The following GFRA3 variants were observed in gnomAD, a reference collection of about 807,000 sequenced individuals.
GFRA3 encodes GDNF family receptor alpha-3.
Under a neutral mutation model 40.0 loss-of-function variants are expected in GFRA3, and 24 were observed. The observed-to-expected ratio is 0.60, with a 90% CI of 0.43 to 0.84. GFRA3 has a LOEUF of 0.84. GFRA3 is among the 40% of genes least tolerant of loss of function. The pLI is 0.00. For synonymous variants in GFRA3, 203 were observed against 213.5 expected (o/e 0.95, Z 0.43); for missense variants, 405 against 530.6 (o/e 0.76, Z 2.33).
At chr5:138,254,021 C>T (rs762329638) in intron 5 of GFRA3, 36 bp downstream of exon 5, 27 of 1,556,864 alleles carry the variant, frequency 1.7e-5, no homozygotes, top group Non-Finnish European at 2.3e-5. Flanking sequence ...CAGGCCTAGC[C>T]AACATAGGGT....
chr5:138,259,738 C>T, intron 2 of GFRA3, 89 bp from the exon 3 acceptor site: 1 of 768,004 alleles, frequency 1.3e-6, no homozygotes, highest in Non-Finnish European at 2.4e-6. Context: ...ACCTCAAAGG[C>T]CTGTGGAGAA....
intron 3 of GFRA3, 47 bp downstream of exon 3, chr5:138,259,510 G>C (rs1755681548): frequency 2.3e-6 from 2 of 856,194 alleles, no homozygotes; most frequent in Admixed American, 1.7e-5. Flanking sequence ...CCTTCCTCCA[G>C]GGTCCAGCCC....
At chr5:138,274,253 C>G (rs1473162250) in intron 1 of GFRA3, 81 bp downstream of exon 1, 1 of 1,303,850 alleles carries the variant, frequency 7.7e-7, no homozygotes, top group Non-Finnish European at 9.8e-7. Flanking sequence ...GCGCCCTCTC[C>G]GGACAGGTGC....
At chr5:138,256,073 C>CA (rs1324787351) in intron 4 of GFRA3, among the ~76,000 whole-genome samples, 4 of 150,416 alleles carry the variant, frequency 2.7e-5, no homozygotes, top group East Asian at 2.0e-4. Context: ...ACTGAAAATA[C>CA]AAAAAAAATT....
rs1468208782 is a variant in GFRA3, at chr5:138,271,905, T to TGTGTGTGTG, written c.91+2428_91+2429insCACACACAC. Among the ~76,000 whole-genome samples, 470 of 96,844 alleles carry TGTGTGTGTG rather than the reference T, an allele frequency of 4.9e-3. 3 individuals carry two copies. The highest frequency in any genetic ancestry group is 0.015 in the Admixed American group (131 of 8,604). The allele number at this position is 96,844 out of a possible 152,430, so 63.5% of individuals were successfully genotyped here. On this transcript the variant is annotated intron_variant, in intron 1 of 7. Transcript: ENST00000274721. ...ATTTTCTTTTCTGTTTTTTTTTTTT[T>TGTGTGTGTG]TTTTTTTTTGTGTGTGTGTGTGTGT... is the stretch of plus-strand genomic sequence containing the variant.
chr5:138,272,126 C>T (rs1186197052), intron 1 of GFRA3, among the ~76,000 whole-genome samples: 1 of 151,212 alleles, frequency 6.6e-6, no homozygotes, highest in Non-Finnish European at 1.5e-5. Flanking sequence ...CTGCCTCAGC[C>T]TCCCGGGTAG....
At chr5:138,261,075 A>T (rs1755703400) in intron 2 of GFRA3, among the ~76,000 whole-genome samples, 1 of 152,176 alleles carries the variant, frequency 6.6e-6, no homozygotes, top group South Asian at 2.1e-4. Context: ...CGCTACAGTA[A>T]TAAAATAATA....
At position 138,259,579 on chromosome 5, in the gene GFRA3, G is replaced by T; in HGVS notation, c.450C>A (p.Ser150Arg). The change falls in exon 3 of 8, where the codon AGC becomes AGA. Residue 150 changes from serine (S) to arginine (R), a missense_variant. Physicochemically the swap from Ser to Arg is moderately radical, Grantham distance 110 (BLOSUM62 -1). Coordinates refer to ENST00000274721, the MANE Select transcript of GFRA3 (RefSeq NM_001496.4). ...CACCTGGTTTGAGCATGTTCAGTTT[G>T]CTGAGATTCATTTTCCAGGGTTTGC... ...VTSKPWKMNL[S>R]KLNMLKPDSD... 2 of 1,546,484 alleles carry T rather than the reference G, an allele frequency of 1.3e-6. No individual in the cohort carries two copies. The highest frequency in any genetic ancestry group is 1.8e-6 in the Non-Finnish European group (2 of 1,118,212).
intron 7 of GFRA3, 40 bp downstream of exon 7, chr5:138,253,247 C>T (rs1422814555): frequency 7.4e-7 from 1 of 1,354,884 alleles, no homozygotes; most frequent in Non-Finnish European, 1.0e-6. Context: ...CCCCAGCCGG[C>T]CCAGTAAAGG....
chr5:138,253,096 T>C, intron 7 of GFRA3, 39 bp from the exon 8 acceptor site: 1 of 1,193,606 alleles, frequency 8.4e-7, no homozygotes. Context: ...CAGGGGATTT[T>C]CTTTAGCCCT....
chr5:138,252,796 G>A lies in GFRA3; in HGVS notation c.*172C>T. The A allele has an allele frequency of 1.9e-6, 1 of 519,882 alleles. No individual in the cohort carries two copies. The highest frequency in any genetic ancestry group is 3.2e-5 in the Admixed American group (1 of 30,824). The allele number at this position is 519,882 out of a possible 1,614,324, so 32.2% of individuals were successfully genotyped here. On this transcript the variant is annotated 3_prime_UTR_variant, in exon 8 of 8. Coordinates refer to ENST00000274721, the MANE Select transcript of GFRA3 (RefSeq NM_001496.4). ...CATGAATCAGAAGTGGAGATGGGGTGGAGGGAATGAGGACTGGACCAGTAA... is the reference window on the plus strand; with the variant it reads ...CATGAATCAGAAGTGGAGATGGGGTAGAGGGAATGAGGACTGGACCAGTAA...
At chr5:138,265,067 C>T (rs1382764170) in intron 1 of GFRA3, among the ~76,000 whole-genome samples, 4 of 152,016 alleles carry the variant, frequency 2.6e-5, no homozygotes, top group African/African-American at 7.3e-5. Context: ...GTAACCTGAC[C>T]CTGTCTCTTA....
chr5:138,262,812 T>C (rs1241364840), intron 2 of GFRA3, among the ~76,000 whole-genome samples: 1 of 152,106 alleles, frequency 6.6e-6, no homozygotes, highest in Non-Finnish European at 1.5e-5. Flanking sequence ...TGTTCCGTTA[T>C]TATATGCTGA....
In GFRA3 at chr5:138,253,394, G is replaced by A; in HGVS notation, c.1025-19C>T. The A allele has an allele frequency of 6.7e-7, 1 of 1,490,610 alleles. No homozygotes were observed. Among genetic ancestry groups the A allele is most frequent in the Non-Finnish European group, 9.3e-7 (1 of 1,079,508 alleles). The allele number at this position is 1,490,610 out of a possible 1,614,324, so 92.3% of individuals were successfully genotyped here. A position where few individuals can be genotyped will look rare whatever the true frequency, so the allele number is the denominator to read the frequency against. ...GCCTCCGCTGAAGAGAGGAGAGAAG[G>A]CTCATTGGAAGGGTATGGGGGCAGG... On this transcript the variant is annotated intron_variant, in intron 6 of 7. Transcript: ENST00000274721.
intron 1 of GFRA3, chr5:138,267,028 T>C (rs1441187104): frequency 1.3e-5 from 2 of 158,292 alleles, no homozygotes; most frequent in Non-Finnish European, 2.8e-5. Context: ...AAGCAATAGG[T>C]CAGACGTTTG....
chr5:138,257,359 G>A (rs1380123164), intron 4 of GFRA3, among the ~76,000 whole-genome samples: 1 of 152,114 alleles, frequency 6.6e-6, no homozygotes, highest in Non-Finnish European at 1.5e-5. Context: ...GGAAGGAAAT[G>A]CTTCCCAAAG....
Position 138,254,103 on chromosome 5 carries a change from A to G in GFRA3, c.843T>C (p.Cys281=), listed in dbSNP as rs746797873. ...GTAGACATCTGGACTGCTCTGTTGC[A>G]CAAGTTCCTAGGATGTCCATGGGAT... ...HCHPMDILGT[C]ATEQSRCLRA... The change falls in exon 5 of 8, where the codon TGT becomes TGC. Residue 281 remains cysteine (C), a synonymous_variant. Coordinates refer to ENST00000274721, the MANE Select transcript of GFRA3 (RefSeq NM_001496.4). 4.3e-6 allele frequency: 7 copies of G among 1,613,146 alleles called. No individual in the cohort carries two copies. Among genetic ancestry groups the G allele is most frequent in the Non-Finnish European group, 5.9e-6 (7 of 1,179,300 alleles).
intron 3 of GFRA3, among the ~76,000 whole-genome samples, chr5:138,258,524 TATC>T (rs1386863330): frequency 6.6e-6 from 1 of 152,050 alleles, no homozygotes; most frequent in Non-Finnish European, 1.5e-5. Flanking sequence ...GAATAATCAC[TATC>T]ATCATCTATA....
chr5:138,264,255 C>G lies in GFRA3; in HGVS notation c.379+6G>C, dbSNP rs543966682. The stretch of plus-strand genomic sequence containing the variant: ...AGCTTAGTCCACTCTATAATGGGAG[C>G]CTCACCAAGGCTGCGGGCACGGTGA... On this transcript the variant is annotated splice_donor_region_variant and intron_variant, in intron 2 of 7. Coordinates refer to ENST00000274721, the MANE Select transcript of GFRA3 (RefSeq NM_001496.4). 5 of 1,585,282 alleles carry G rather than the reference C, an allele frequency of 3.2e-6. No homozygotes were observed. The highest frequency in any genetic ancestry group is 2.3e-5 in the East Asian group (1 of 44,238).
Sources: gnomAD v4.1 joint callset for allele counts (sites outside exome capture counted in the v4.1 genomes callset) on GRCh38, gnomAD v4.1.1 for gene constraint, MANE v1.5 for transcripts, NCBI Gene and HGNC (gene_info 2026-07-23, HGNC 2026-07-21) for gene names.